The following SUPT3H variants were observed in gnomAD, a reference collection of about 807,000 sequenced individuals.
SUPT3H encodes the protein SPT3 homolog, SAGA and STAGA complex component.
In SUPT3H, 44 loss-of-function variants were observed where a neutral mutation model predicts 44.3. The observed-to-expected ratio is 0.99, with a 90% CI of 0.78 to 1.28. The LOEUF (loss-of-function observed/expected upper bound fraction) is 1.28, where lower values mean the gene tolerates loss of function less well. SUPT3H is among the 50% of genes most tolerant of loss of function. SUPT3H has a pLI of 0.00. For synonymous variants in SUPT3H, 124 were observed against 125.6 expected (o/e 0.99, Z 0.09); for missense variants, 380 against 387.1 (o/e 0.98, Z 0.15).
intron 2 of SUPT3H, among the ~76,000 whole-genome samples, chr6:45,199,971 T>C (rs1004408337): frequency 1.3e-5 from 2 of 151,386 alleles, no homozygotes; most frequent in Non-Finnish European, 3.0e-5. Context: ...TGAAATACTA[T>C]AATCTAGCTT....
intron 2 of SUPT3H, among the ~76,000 whole-genome samples, chr6:45,171,713 CTTTTTTTTT>C (rs777154020): frequency 3.2e-5 from 3 of 93,474 alleles, no homozygotes; most frequent in South Asian, 4.2e-4. Flanking sequence ...ATTCCACTTG[CTTTTTTTTT>C]TTTTTTTTTT....
intron 1 of SUPT3H, among the ~76,000 whole-genome samples, chr6:45,373,576 G>C (rs1260037873): frequency 6.6e-6 from 1 of 152,068 alleles, no homozygotes; most frequent in African/African-American, 2.4e-5. Context: ...TTTTGAGACA[G>C]AGTATTGCTC....
At chr6:45,131,250 T>C (rs1206209122) in intron 2 of SUPT3H, among the ~76,000 whole-genome samples, 1 of 152,088 alleles carries the variant, frequency 6.6e-6, no homozygotes, top group East Asian at 1.9e-4. Context: ...TACGGCAAAA[T>C]AAGGCAGCAG....
chr6:45,303,853 C>A (rs1235486269), intron 2 of SUPT3H, among the ~76,000 whole-genome samples: 2 of 151,638 alleles, frequency 1.3e-5, no homozygotes, highest in African/African-American at 2.4e-5. Flanking sequence ...ATTAGCTGGG[C>A]ATAGTGGTGC....
chr6:44,882,398 C>T (rs905372371), intron 10 of SUPT3H, among the ~76,000 whole-genome samples: 6 of 152,210 alleles, frequency 3.9e-5, no homozygotes, highest in Admixed American at 3.3e-4. Context: ...AATTAATAGC[C>T]TACCAACCAA....
chr6:45,027,952 T>C (rs1470030689), intron 3 of SUPT3H, among the ~76,000 whole-genome samples: 5 of 152,200 alleles, frequency 3.3e-5, no homozygotes, highest in Non-Finnish European at 5.9e-5. Context: ...TCTGAGAAAC[T>C]TTTACTATTG....
chr6:45,176,443 G>T (rs968019056), intron 2 of SUPT3H, among the ~76,000 whole-genome samples: 1 of 152,136 alleles, frequency 6.6e-6, no homozygotes, highest in African/African-American at 2.4e-5. Flanking sequence ...GAGTCTCCCT[G>T]ATTGCTAGCA....
At chr6:45,035,076 T>C (rs1344525365) in intron 3 of SUPT3H, among the ~76,000 whole-genome samples, 1 of 152,224 alleles carries the variant, frequency 6.6e-6, no homozygotes, top group Admixed American at 6.5e-5. Context: ...CTATGGAGTA[T>C]TTAAAGTCTC....
intron 10 of SUPT3H, among the ~76,000 whole-genome samples, chr6:44,898,340 C>T (rs896574533): frequency 6.6e-6 from 1 of 152,170 alleles, no homozygotes; most frequent in African/African-American, 2.4e-5. Flanking sequence ...GTGGTTCACA[C>T]CTTGGTCTCC....
intron 2 of SUPT3H, among the ~76,000 whole-genome samples, chr6:45,352,138 A>C (rs1792192671): frequency 6.6e-6 from 1 of 152,194 alleles, no homozygotes; most frequent in Non-Finnish European, 1.5e-5. Context: ...AAAGAAGTGT[A>C]CTGAACTACA....
intron 2 of SUPT3H, among the ~76,000 whole-genome samples, chr6:45,303,344 T>G (rs1386877801): frequency 1.3e-5 from 2 of 151,032 alleles, no homozygotes; most frequent in Non-Finnish European, 3.0e-5. Flanking sequence ...ACCCACAGAG[T>G]GGGAGAAAAT....
chr6:45,043,142 T>TACACATACAC (rs1554218893), intron 3 of SUPT3H, among the ~76,000 whole-genome samples: 1 of 146,768 alleles, frequency 6.8e-6, no homozygotes. Flanking sequence ...CATACACACA[T>TACACATACAC]ACACACACAC....
At chr6:44,995,664 A>G (rs1329711) in intron 6 of SUPT3H, among the ~76,000 whole-genome samples, 31,252 of 151,988 alleles carry the variant, frequency 0.21, 3,915 homozygotes, top group Non-Finnish European at 0.29. Context: ...TCATCTGTTC[A>G]GTCTTAACTG....
intron 3 of SUPT3H, among the ~76,000 whole-genome samples, chr6:45,076,519 G>A (rs969010417): frequency 2.0e-5 from 3 of 151,730 alleles, no homozygotes; most frequent in Non-Finnish European, 4.4e-5. Flanking sequence ...AAAAAACTAG[G>A]GCAGAGACTC....
chr6:45,161,654 C>CAT (rs781268873), intron 2 of SUPT3H, among the ~76,000 whole-genome samples: 9 of 152,126 alleles, frequency 5.9e-5, no homozygotes, highest in Non-Finnish European at 1.2e-4. Flanking sequence ...ACCCTCCCTC[C>CAT]ATACCGTAAA....
chr6:45,268,964 G>C (rs1775693772), intron 2 of SUPT3H, among the ~76,000 whole-genome samples: 1 of 152,098 alleles, frequency 6.6e-6, no homozygotes, highest in Non-Finnish European at 1.5e-5. Flanking sequence ...CAAAAAGATG[G>C]TGTCATGCAG....
chr6:44,930,206 G>A (rs560264128), intron 10 of SUPT3H, among the ~76,000 whole-genome samples: 4 of 152,118 alleles, frequency 2.6e-5, no homozygotes, highest in South Asian at 2.1e-4. Flanking sequence ...GTGAAACCCC[G>A]TCTCTACTAA....
intron 10 of SUPT3H, among the ~76,000 whole-genome samples, chr6:44,867,208 G>A (rs1336353348): frequency 6.6e-6 from 1 of 151,024 alleles, no homozygotes; most frequent in East Asian, 1.9e-4. Flanking sequence ...TTGCAGTGCA[G>A]TGGTGTGATC....
intron 10 of SUPT3H, among the ~76,000 whole-genome samples, chr6:44,919,661 T>C (rs1768348322): frequency 6.6e-6 from 1 of 152,190 alleles, no homozygotes; most frequent in Admixed American, 6.5e-5. Context: ...GTAAACTTGC[T>C]ATTTTTTTAT....
Sources: gnomAD v4.1 joint callset for allele counts (sites outside exome capture counted in the v4.1 genomes callset) on GRCh38, gnomAD v4.1.1 for gene constraint, MANE v1.5 for transcripts, NCBI Gene and HGNC (gene_info 2026-07-23, HGNC 2026-07-21) for gene names.